Variants in NCOR2 observed in about 807,000 individuals in gnomAD.
NCOR2 encodes the protein CTG repeat protein 26.
In NCOR2, 81 loss-of-function variants were observed where a neutral mutation model predicts 262.9. That is an observed-to-expected ratio of 0.31 (90% CI 0.26 to 0.37). The LOEUF is 0.37. Ranked by LOEUF, NCOR2 falls within the 10% of genes least tolerant of loss-of-function variation. The pLI is 1.00. For missense variants in NCOR2, 3,385 were observed against 3,621.4 expected, an observed-to-expected ratio of 0.93 and a Z score of 1.68; for synonymous variants, 1,659 against 1,559.3, an observed-to-expected ratio of 1.06 and a Z score of -1.51.
intron 13 of NCOR2, among the ~76,000 whole-genome samples, chr12:124,419,514 G>C (rs542094384): frequency 1.3e-5 from 2 of 152,318 alleles, no homozygotes; most frequent in East Asian, 3.9e-4. Context: ...TGAAGTACTG[G>C]CTATTTTTTC....
chr12:124,471,425 T>C (rs1473366187), intron 4 of NCOR2, among the ~76,000 whole-genome samples: 1 of 152,236 alleles, frequency 6.6e-6, no homozygotes, highest in Non-Finnish European at 1.5e-5. Flanking sequence ...CAACCATTTT[T>C]AATGAGCACC....
chr12:124,488,504 C>A (rs967078576), intron 1 of NCOR2, among the ~76,000 whole-genome samples: 1 of 152,212 alleles, frequency 6.6e-6, no homozygotes, highest in African/African-American at 2.4e-5. Context: ...CTGAGGGATT[C>A]CCCCAAGGCT....
intron 8 of NCOR2, among the ~76,000 whole-genome samples, chr12:124,431,135 C>T (rs1192879581): frequency 1.4e-5 from 2 of 145,660 alleles, no homozygotes; most frequent in Non-Finnish European, 2.9e-5. Context: ...ACAAGTCACA[C>T]AGGCAGACAC....
chr12:124,419,890 A>G, intron 13 of NCOR2, 67 bp downstream of exon 15: 2 of 1,446,330 alleles, frequency 1.4e-6, no homozygotes, highest in Non-Finnish European at 1.9e-6. Flanking sequence ...GGTGCTGGCC[A>G]CCAAGCAAGT....
intron 1 of NCOR2, among the ~76,000 whole-genome samples, chr12:124,545,541 G>A (rs549192726): frequency 1.3e-5 from 2 of 152,230 alleles, no homozygotes; most frequent in Admixed American, 6.5e-5. Flanking sequence ...CCACACAGAT[G>A]GGAAAACCAA....
intron 13 of NCOR2, among the ~76,000 whole-genome samples, chr12:124,403,789 T>A (rs2136210855): frequency 6.6e-6 from 1 of 152,306 alleles, no homozygotes; most frequent in South Asian, 2.1e-4. Flanking sequence ...CAGCCTCTTT[T>A]CATTTAGGAT....
chr12:124,552,172 C>T (rs837487), intron 1 of NCOR2, among the ~76,000 whole-genome samples: 136,242 of 151,918 alleles, frequency 0.9, 61,347 homozygotes, highest in East Asian at 1. Flanking sequence ...ATCAAAACAA[C>T]TGGCAGAGCA....
Position 124,431,294 on chromosome 12 carries a change from C to T in NCOR2, c.883-507G>A, listed in dbSNP as rs539463013. 2.3e-3 allele frequency among the ~76,000 whole-genome samples: 340 copies of T among 149,062 alleles called. 1 individual carries two copies. The highest frequency in any genetic ancestry group is 7.5e-3 in the African/African-American group (303 of 40,306). ...AGGCAGACACACAGACACACACATA[C>T]AGTCACAGACACACACAGTCACATA... On this transcript the variant is annotated intron_variant, in intron 8 of 46. Transcript: ENST00000405201.
Position 124,438,014 on chromosome 12 carries a change from G to A in NCOR2, c.816-18C>T, listed in dbSNP as rs576460708. ...CCTGGTTTCTGTGCAGGAGGGAAGC[G>A]GCAGACAGGTCAGCCCGGCCGGGCT... On this transcript the variant is annotated intron_variant, in intron 7 of 46. Transcript: ENST00000405201. 41 of 1,603,758 alleles carry A rather than the reference G, an allele frequency of 2.6e-5. No individual in the cohort carries two copies. Among genetic ancestry groups the A allele is most frequent in the African/African-American group, 6.7e-5 (5 of 74,850 alleles).
exon 32 of NCOR2, chr12:124,344,782 C>T (rs1377576823): frequency 6.4e-7 from 1 of 1,550,670 alleles, no homozygotes; most frequent in Non-Finnish European, 8.7e-7. Context: ...CCCTGGCCGG[C>T]TCTTCAGGCT....
At chr12:124,462,700 G>A (rs1783855691) in intron 5 of NCOR2, among the ~76,000 whole-genome samples, 1 of 152,204 alleles carries the variant, frequency 6.6e-6, no homozygotes, top group South Asian at 2.1e-4. Flanking sequence ...TCAATCAGGG[G>A]ATCTGATGCT....
rs758797368 is a variant in NCOR2, at chr12:124,362,119, C to T, written c.3100+7G>A. On this transcript the variant is annotated splice_region_variant and intron_variant, in intron 22 of 46. Coordinates refer to ENST00000405201, the Ensembl canonical transcript of NCOR2. The stretch of plus-strand genomic sequence containing the variant: ...CCAGCCCCACTCAGCCACTGGTGTG[C>T]ACTCACCCTCCTTGTCGGCGGGGGG... 9.3e-6 allele frequency: 12 copies of T among 1,297,094 alleles called. No homozygotes were observed. Among genetic ancestry groups the T allele is most frequent in the African/African-American group, 4.5e-5 (3 of 66,322 alleles). The allele number at this position is 1,297,094 out of a possible 1,614,324, so 80.3% of individuals were successfully genotyped here.
chr12:124,348,731 C>A, intron 28 of NCOR2: 1 of 201,590 alleles, frequency 5.0e-6, no homozygotes. Context: ...GTGTGGCAGG[C>A]AGGAGCACAC....
intron 1 of NCOR2, among the ~76,000 whole-genome samples, chr12:124,505,033 C>A (rs1285563373): frequency 2.0e-5 from 3 of 152,212 alleles, no homozygotes; most frequent in South Asian, 2.1e-4. Context: ...ATATTTTGTA[C>A]GTATTTTACC....
intron 33 of NCOR2, among the ~76,000 whole-genome samples, chr12:124,342,455 C>T (rs1004789567): frequency 8.5e-5 from 13 of 152,168 alleles, no homozygotes; most frequent in African/African-American, 2.2e-4. Context: ...CTGCAAGCTC[C>T]GCCTCCCGGG....
intron 13 of NCOR2, among the ~76,000 whole-genome samples, chr12:124,408,526 T>C (rs1244057): frequency 0.97 from 147,677 of 152,158 alleles, 71,804 homozygotes; most frequent in East Asian, 1. Context: ...GCAGGAGGAT[T>C]GTCTAGGGCT....
chr12:124,464,617 A>G (rs1403821032), intron 5 of NCOR2, among the ~76,000 whole-genome samples: 1 of 152,224 alleles, frequency 6.6e-6, no homozygotes, highest in Non-Finnish European at 1.5e-5. Flanking sequence ...AAGAAATGAG[A>G]GCTATGATAA....
intron 11 of NCOR2, among the ~76,000 whole-genome samples, chr12:124,426,019 A>G (rs879668384): frequency 6.6e-6 from 1 of 152,194 alleles, no homozygotes; most frequent in Non-Finnish European, 1.5e-5. Flanking sequence ...AACCACCAAA[A>G]GCCACTGGCC....
At chr12:124,342,773 A>G (rs1405627821) in intron 33 of NCOR2, among the ~76,000 whole-genome samples, 2 of 152,234 alleles carry the variant, frequency 1.3e-5, no homozygotes, top group African/African-American at 2.4e-5. Flanking sequence ...TCCTGCCGGA[A>G]AAGAAAACCA....
Sources: allele counts gnomAD v4.1 joint callset (sites outside exome capture counted in the v4.1 genomes callset), GRCh38; gene constraint gnomAD v4.1.1; transcripts MANE v1.5; gene names NCBI Gene and HGNC (gene_info 2026-07-23, HGNC 2026-07-21).